Variants in BBX observed in about 807,000 individuals in gnomAD.
The protein encoded by BBX is HMG box transcription factor BBX.
A neutral mutation model predicts 100.2 loss-of-function variants in BBX; 30 were observed. That is an observed-to-expected ratio of 0.30 (90% CI 0.22 to 0.41). The LOEUF is 0.41. Ranked by LOEUF, BBX falls within the 10% of genes least tolerant of loss-of-function variation. BBX has a pLI of 1.00. For synonymous variants in BBX, 376 were observed against 388.1 expected (o/e 0.97, Z 0.37); for missense variants, 1,023 against 1,129.8 (o/e 0.91, Z 1.35).
intron 3 of BBX, among the ~76,000 whole-genome samples, chr3:107,655,504 ATAAT>A: frequency 7.1e-6 from 1 of 141,168 alleles, no homozygotes; most frequent in Non-Finnish European, 1.5e-5. Context: ...TTAAAGTATG[ATAAT>A]TAATTTTTTT....
intron 2 of BBX, among the ~76,000 whole-genome samples, chr3:107,629,385 G>A (rs745547465): frequency 6.6e-6 from 1 of 152,152 alleles, no homozygotes; most frequent in Non-Finnish European, 1.5e-5. Flanking sequence ...CAAAGATACC[G>A]ATGAATTATG....
At chr3:107,782,239 A>C (rs2067969623) in intron 13 of BBX, among the ~76,000 whole-genome samples, 1 of 152,134 alleles carries the variant, frequency 6.6e-6, no homozygotes, top group Admixed American at 6.5e-5. Context: ...TGATTGACTC[A>C]GAGAACTTAT....
intron 9 of BBX, among the ~76,000 whole-genome samples, chr3:107,752,191 C>A (rs2065128655): frequency 6.6e-6 from 1 of 152,056 alleles, no homozygotes; most frequent in Non-Finnish European, 1.5e-5. Context: ...ATTTGCTTTG[C>A]CTATATAAAT....
chr3:107,560,516 A>C (rs1158391878), intron 2 of BBX, among the ~76,000 whole-genome samples: 1 of 152,178 alleles, frequency 6.6e-6, no homozygotes, highest in Non-Finnish European at 1.5e-5. Context: ...AGTTTAGATA[A>C]TTCACAGTTC....
At chr3:107,614,230 G>A (rs776216734) in intron 2 of BBX, among the ~76,000 whole-genome samples, 7 of 152,062 alleles carry the variant, frequency 4.6e-5, no homozygotes, top group Admixed American at 1.3e-4. Context: ...GATTATAGGC[G>A]TGAGCCACCG....
chr3:107,767,240 G>A (rs1250442026), intron 10 of BBX, among the ~76,000 whole-genome samples: 2 of 152,112 alleles, frequency 1.3e-5, no homozygotes, highest in African/African-American at 4.8e-5. Context: ...TATGCCCCCT[G>A]CTTCCATGCA....
At chr3:107,706,672 A>G (rs949227190) in intron 3 of BBX, among the ~76,000 whole-genome samples, 1 of 152,236 alleles carries the variant, frequency 6.6e-6, no homozygotes, top group East Asian at 1.9e-4. Flanking sequence ...CATTTACTGC[A>G]TAGAGGTTAT....
chr3:107,791,630 G>A (rs1268388498), intron 15 of BBX, among the ~76,000 whole-genome samples: 2 of 152,132 alleles, frequency 1.3e-5, no homozygotes, highest in Non-Finnish European at 2.9e-5. Context: ...AGTGGGAGCT[G>A]GAATAACAAC....
In BBX at chr3:107,635,748, T is replaced by C. The variant is rs531097607; in HGVS notation, c.-83-10088T>C. 1.7e-4 allele frequency among the ~76,000 whole-genome samples: 25 copies of C among 151,036 alleles called. No individual in the cohort carries two copies. The South Asian group carries it at 5.0e-3, about 30-fold the overall frequency. ...TTTTTTTTGGGATGGATTCTCACCCTGTTGCCCAGGCTGGGGTGCAGTGGC... is the reference window on the plus strand; with the variant it reads ...TTTTTTTTGGGATGGATTCTCACCCCGTTGCCCAGGCTGGGGTGCAGTGGC... On this transcript the variant is annotated intron_variant, in intron 2 of 17. Transcript: ENST00000325805.
At chr3:107,792,584 G>A (rs1166754227) in intron 15 of BBX, among the ~76,000 whole-genome samples, 2 of 152,090 alleles carry the variant, frequency 1.3e-5, no homozygotes, top group African/African-American at 2.4e-5. Flanking sequence ...TACAGAAAAC[G>A]CCAGCACTAC....
chr3:107,779,030 CACACACAT>C lies in BBX; in HGVS notation c.2203+513_2203+520del, dbSNP rs1359834133. Among the ~76,000 whole-genome samples the C allele has an allele frequency of 2.2e-3, 175 of 79,382 alleles. 6 individuals are homozygous for C. Among genetic ancestry groups the C allele is most frequent in the Non-Finnish European group, 3.3e-3 (124 of 37,908 alleles). 52.1% of individuals were successfully genotyped at this position (79,382 alleles called of 152,430 possible). ...ATATATATATATATATACACACACA[CACACACAT>C]ATACATTGGTTTTGTTAAATTTAAA... On this transcript the variant is annotated intron_variant, in intron 13 of 17. Transcript: ENST00000325805.
chr3:107,587,035 G>A (rs1435481957), intron 2 of BBX, among the ~76,000 whole-genome samples: 2 of 151,980 alleles, frequency 1.3e-5, no homozygotes, highest in Non-Finnish European at 2.9e-5. Context: ...ACAGGCATGA[G>A]CCACTCACTG....
At chr3:107,619,349 G>A (rs1209160523) in intron 2 of BBX, among the ~76,000 whole-genome samples, 1 of 151,828 alleles carries the variant, frequency 6.6e-6, no homozygotes, top group Non-Finnish European at 1.5e-5. Flanking sequence ...CTTTTAATTG[G>A]TGCATAACCC....
chr3:107,633,694 TAGAA>T (rs2056685954), intron 2 of BBX, among the ~76,000 whole-genome samples: 1 of 152,224 alleles, frequency 6.6e-6, no homozygotes, highest in African/African-American at 2.4e-5. Flanking sequence ...ATCTGATGGT[TAGAA>T]AGAATTTCCT....
At chr3:107,728,724 A>G (rs766418934) in intron 5 of BBX, 41 bp from the exon 6 acceptor site, 2 of 1,548,704 alleles carry the variant, frequency 1.3e-6, no homozygotes, top group East Asian at 2.2e-5. Context: ...TTTTCAATCT[A>G]TTTGTTAATT....
intron 9 of BBX, among the ~76,000 whole-genome samples, chr3:107,752,376 T>G (rs919431407): frequency 2.6e-5 from 4 of 152,228 alleles, no homozygotes; most frequent in African/African-American, 4.8e-5. Context: ...TTTTGTGTTT[T>G]ATTGGAAGCA....
At chr3:107,556,458 G>C (rs1209489626) in intron 2 of BBX, among the ~76,000 whole-genome samples, 1 of 152,160 alleles carries the variant, frequency 6.6e-6, no homozygotes, top group Non-Finnish European at 1.5e-5. Flanking sequence ...CTGCAGGGAA[G>C]TATTACATGT....
At chr3:107,587,879 T>A (rs1188159196) in intron 2 of BBX, among the ~76,000 whole-genome samples, 1 of 152,190 alleles carries the variant, frequency 6.6e-6, no homozygotes, top group Non-Finnish European at 1.5e-5. Context: ...ATTCATTTAC[T>A]CATCACTGAA....
chr3:107,535,244 A>AT (rs572203504), intron 2 of BBX, among the ~76,000 whole-genome samples: 660 of 149,720 alleles, frequency 4.4e-3, no homozygotes, highest in Non-Finnish European at 7.8e-3. Context: ...ATTCTCCCCA[A>AT]TTTTTTTTTT....
Sources: allele counts gnomAD v4.1 joint callset (sites outside exome capture counted in the v4.1 genomes callset), GRCh38; gene constraint gnomAD v4.1.1; transcripts MANE v1.5; gene names NCBI Gene and HGNC (gene_info 2026-07-23, HGNC 2026-07-21).